Variants in DMD observed in about 807,000 individuals in gnomAD.
The protein encoded by DMD is mutant dystrophin.
Under a neutral mutation model 330.1 loss-of-function variants are expected in DMD, and 63 were observed. The observed-to-expected ratio is 0.19, with a 90% CI of 0.16 to 0.24. The LOEUF (loss-of-function observed/expected upper bound fraction) is 0.24. DMD is among the 10% of genes least tolerant of loss of function. The pLI is 1.00. For missense variants in DMD, 3,344 were observed against 2,684.1 expected, an observed-to-expected ratio of 1.25 and a Z score of -5.43; for synonymous variants, 1,223 against 959.8, an observed-to-expected ratio of 1.27 and a Z score of -5.07.
intron 67 of DMD, among the ~76,000 whole-genome samples, chrX:31,190,841 C>T (rs948255189): frequency 9.0e-6 from 1 of 111,127 alleles, no homozygotes; most frequent in African/African-American, 3.3e-5. Context: ...CATCACTATT[C>T]ACTAAACAAC....
At chrX:32,603,907 G>A (rs1030443981) in intron 12 of DMD, among the ~76,000 whole-genome samples, 26 of 111,141 alleles carry the variant, frequency 2.3e-4, no homozygotes, top group Admixed American at 2.1e-3. Context: ...ATTCACAGCC[G>A]AATTCTACCA....
chrX:32,216,187 T>C (rs2097111738), intron 44 of DMD, among the ~76,000 whole-genome samples: 1 of 112,231 alleles, frequency 8.9e-6, no homozygotes, highest in East Asian at 2.8e-4. Flanking sequence ...CTAAAAAAGA[T>C]GCAAAAATAA....
At chrX:31,439,985 G>T (rs186169242) in intron 60 of DMD, among the ~76,000 whole-genome samples, 77 of 111,440 alleles carry the variant, frequency 6.9e-4, no homozygotes, top group African/African-American at 2.4e-3. Context: ...TGAAACAAGT[G>T]TGATTTCTAA....
intron 2 of DMD, among the ~76,000 whole-genome samples, chrX:32,998,485 C>T (rs1036689398): frequency 9.3e-6 from 1 of 108,085 alleles, no homozygotes; most frequent in African/African-American, 3.4e-5. Flanking sequence ...ACCTGATGAA[C>T]AACTAATCTG....
chrX:32,349,137 T>C (rs912364657), intron 37 of DMD, among the ~76,000 whole-genome samples: 1 of 111,580 alleles, frequency 9.0e-6, no homozygotes, highest in African/African-American at 3.2e-5. Flanking sequence ...GAATCTATGC[T>C]TTTCAACCTT....
intron 2 of DMD, among the ~76,000 whole-genome samples, chrX:32,857,179 G>C (rs959764448): frequency 8.9e-6 from 1 of 112,028 alleles, no homozygotes; most frequent in African/African-American, 3.2e-5. Context: ...TGCTTCGCAT[G>C]CCTGTATCAA....
At chrX:32,935,671 C>T (rs1458905081) in intron 2 of DMD, among the ~76,000 whole-genome samples, 1 of 110,633 alleles carries the variant, frequency 9.0e-6, no homozygotes, top group African/African-American at 3.3e-5. Flanking sequence ...ATATAGAAGT[C>T]ACAAAGTCAC....
chrX:31,657,930 C>G (rs905908835), intron 54 of DMD, 60 bp downstream of exon 54: 2 of 1,125,756 alleles, frequency 1.8e-6, no homozygotes, highest in Admixed American at 2.2e-5. Flanking sequence ...CATGGTCCAT[C>G]CAGTTTCACC....
intron 59 of DMD, among the ~76,000 whole-genome samples, chrX:31,469,257 A>G (rs2067118473): frequency 1.8e-5 from 2 of 111,585 alleles, no homozygotes; most frequent in South Asian, 7.5e-4. Flanking sequence ...CAGTTTCTTC[A>G]TAGTGTGATG....
intron 48 of DMD, among the ~76,000 whole-genome samples, chrX:31,873,095 A>T (rs189633757): frequency 2.7e-5 from 3 of 111,330 alleles, no homozygotes; most frequent in African/African-American, 9.8e-5. Context: ...GGCTGTTGTT[A>T]CCCATCCTGT....
intron 77 of DMD, 106 bp from the exon 78 acceptor site, chrX:31,126,779 G>T: frequency 4.9e-5 from 19 of 384,499 alleles, no homozygotes; most frequent in Non-Finnish European, 6.6e-5. Flanking sequence ...AACAAATGTT[G>T]AGATGACCAT....
chrX:33,008,944 A>G (rs1259146228), intron 2 of DMD, among the ~76,000 whole-genome samples: 1 of 85,352 alleles, frequency 1.2e-5, no homozygotes, highest in African/African-American at 4.5e-5. Flanking sequence ...ATACACACGT[A>G]TATATACGTA....
At chrX:31,836,892 C>A (rs2093211329) in intron 48 of DMD, 73 bp from the exon 49 acceptor site, 1 of 882,220 alleles carries the variant, frequency 1.1e-6, no homozygotes, top group Non-Finnish European at 1.7e-6. Flanking sequence ...TAAATATACC[C>A]TTGGAGACTC....
chrX:32,849,445 A>G (rs1001522161), intron 3 of DMD, among the ~76,000 whole-genome samples: 1 of 112,239 alleles, frequency 8.9e-6, no homozygotes, highest in Non-Finnish European at 1.9e-5. Context: ...TCAAGTCATT[A>G]TGTATAAAAG....
chrX:31,368,898 A>T (rs1461935960), intron 60 of DMD, among the ~76,000 whole-genome samples: 1 of 110,903 alleles, frequency 9.0e-6, no homozygotes, highest in Non-Finnish European at 1.9e-5. Flanking sequence ...TGCCCACCTC[A>T]ACCTCCCAAA....
In DMD at chrX:33,081,084, T is replaced by C. The variant is rs141370566; in HGVS notation, c.32-60884A>G. On this transcript the variant is annotated intron_variant, in intron 1 of 78. Coordinates refer to ENST00000357033, the MANE Select transcript of DMD (RefSeq NM_004006.3). ...TTTGCCAGTTTCTTAATCAGATTAC[T>C]GGCTTCAGGGTGGAGCCTTTGGAGG... Among the ~76,000 whole-genome samples the C allele has an allele frequency of 2.4e-3, 269 of 110,358 alleles. 1 individual carries two copies. Among genetic ancestry groups the C allele is most frequent in the African/African-American group, 8.4e-3 (253 of 30,242 alleles).
At chrX:31,814,438 G>A (rs1203404995) in intron 50 of DMD, among the ~76,000 whole-genome samples, 2 of 82,166 alleles carry the variant, frequency 2.4e-5, no homozygotes, top group Middle Eastern at 9.4e-3. Context: ...AGCCGAGATC[G>A]CGCCACTGCA....
rs1290281061 is a variant in DMD at position 32,342,092 on chromosome X, C to A, written c.5922+8G>T. Reference sequence around the variant, plus strand: ...AACACATACGTGGGTTTGCCAGTAACAACTCACAATTTGTGCAAAGTTGAG... The same window carrying A: ...AACACATACGTGGGTTTGCCAGTAAAAACTCACAATTTGTGCAAAGTTGAG... On this transcript the variant is annotated splice_region_variant and intron_variant, in intron 41 of 78. Coordinates refer to ENST00000357033, the MANE Select transcript of DMD (RefSeq NM_004006.3). 1 of 1,205,099 alleles carries A rather than the reference C, an allele frequency of 8.3e-7. No homozygotes were observed. Among genetic ancestry groups the A allele is most frequent in the East Asian group, 3.0e-5 (1 of 33,571 alleles).
At chrX:32,081,855 AAAT>A (rs748420139) in intron 44 of DMD, among the ~76,000 whole-genome samples, 2,460 of 109,989 alleles carry the variant, frequency 0.022, 30 homozygotes, top group Non-Finnish European at 0.034. Flanking sequence ...ATTCTGTCTA[AAAT>A]AATAATAATA....
Sources: gnomAD v4.1 joint callset for allele counts (sites outside exome capture counted in the v4.1 genomes callset) on GRCh38, gnomAD v4.1.1 for gene constraint, MANE v1.5 for transcripts, NCBI Gene and HGNC (gene_info 2026-07-23, HGNC 2026-07-21) for gene names.